Variants in ZNF407 observed in about 807,000 individuals in gnomAD.
ZNF407 encodes the protein zinc finger protein 407.
Under a neutral mutation model 131.2 loss-of-function variants are expected in ZNF407, and 17 were observed. That is an observed-to-expected ratio of 0.13 (90% confidence interval 0.09 to 0.19). The LOEUF (loss-of-function observed/expected upper bound fraction) is 0.19. Among genes scored for constraint, ZNF407 ranks in the 10% least tolerant of loss-of-function variants. ZNF407 has a pLI of 1.00. For missense variants in ZNF407, 2,681 were observed against 2,830.6 expected (o/e 0.95, Z 1.20); for synonymous variants, 1,156 against 1,062.0 (o/e 1.09, Z -1.72).
chr18:74,883,780 C>T lies in ZNF407; in HGVS notation c.5128+2661C>T, dbSNP rs1307458192. Among the ~76,000 whole-genome samples the T allele has an allele frequency of 2.0e-5, 3 of 152,202 alleles. 1 individual carries two copies. The highest frequency in any genetic ancestry group is 1.3e-4 in the Admixed American group (2 of 15,270). ...CTTCTGCTGTTCATCCTCTGGCTTTCCTTATCAATGGGGCCTGAGATGCAG... is the reference window on the plus strand; with the variant it reads ...CTTCTGCTGTTCATCCTCTGGCTTTTCTTATCAATGGGGCCTGAGATGCAG... On this transcript the variant is annotated intron_variant, in intron 6 of 8. Transcript: ENST00000299687.
intron 4 of ZNF407, among the ~76,000 whole-genome samples, chr18:74,832,306 A>T (rs1464756306): frequency 6.6e-6 from 1 of 152,124 alleles, no homozygotes; most frequent in African/African-American, 2.4e-5. Context: ...AGATCGTCAG[A>T]TTTATCTTGT....
At chr18:74,976,639 G>A (rs1473182356) in intron 8 of ZNF407, among the ~76,000 whole-genome samples, 2 of 152,216 alleles carry the variant, frequency 1.3e-5, no homozygotes, top group African/African-American at 4.8e-5. Context: ...ATCAGTTGTT[G>A]TAGATGTCTG....
intron 4 of ZNF407, among the ~76,000 whole-genome samples, chr18:74,791,166 T>G (rs12968695): frequency 0.087 from 13,300 of 152,296 alleles, 774 homozygotes; most frequent in African/African-American, 0.16. Context: ...GATGTCTGAC[T>G]GTCATTTCCG....
chr18:74,941,938 G>A (rs1458235959), intron 8 of ZNF407, among the ~76,000 whole-genome samples: 1 of 152,158 alleles, frequency 6.6e-6, no homozygotes, highest in East Asian at 1.9e-4. Flanking sequence ...CTGCAGGATG[G>A]CAGGATTGTG....
intron 3 of ZNF407, among the ~76,000 whole-genome samples, chr18:74,777,334 A>G (rs555837707): frequency 1.6e-4 from 24 of 152,272 alleles, no homozygotes; most frequent in Admixed American, 3.9e-4. Context: ...AAGTCGATCA[A>G]TATTTTAAAA....
At chr18:74,834,324 T>G (rs1359409931) in intron 4 of ZNF407, among the ~76,000 whole-genome samples, 2 of 152,222 alleles carry the variant, frequency 1.3e-5, no homozygotes, top group African/African-American at 4.8e-5. Context: ...ATGACCCAAT[T>G]CCTTTACTTC....
chr18:74,650,534 T>G (rs183669379), intron 3 of ZNF407, among the ~76,000 whole-genome samples: 1 of 152,140 alleles, frequency 6.6e-6, no homozygotes, highest in African/African-American at 2.4e-5. Flanking sequence ...TCAGCAGACA[T>G]CCTGTTAGTC....
intron 8 of ZNF407, among the ~76,000 whole-genome samples, chr18:75,012,574 T>C (rs1230807041): frequency 6.6e-6 from 1 of 152,090 alleles, no homozygotes; most frequent in Non-Finnish European, 1.5e-5. Flanking sequence ...TTATTGAAAA[T>C]CTGAATTAGA....
chr18:75,043,721 G>A (rs8096648), intron 8 of ZNF407, among the ~76,000 whole-genome samples: 22,013 of 152,206 alleles, frequency 0.14, 1,665 homozygotes, highest in South Asian at 0.21. Context: ...TCAGCTTTCC[G>A]TCATGGGCAA....
intron 4 of ZNF407, among the ~76,000 whole-genome samples, chr18:74,853,472 GC>G (rs1319493895): frequency 6.6e-6 from 1 of 152,162 alleles, no homozygotes; most frequent in Admixed American, 6.5e-5. Context: ...TGAGATTGGG[GC>G]CAGAGTTGTC....
At chr18:74,890,274 C>T (rs370438013) in intron 7 of ZNF407, among the ~76,000 whole-genome samples, 13 of 152,162 alleles carry the variant, frequency 8.5e-5, no homozygotes, top group African/African-American at 1.2e-4. Flanking sequence ...CTACCCCACA[C>T]GTGTAGAGCC....
chr18:75,032,092 C>G (rs1293952054), intron 8 of ZNF407, among the ~76,000 whole-genome samples: 1 of 152,180 alleles, frequency 6.6e-6, no homozygotes, highest in Non-Finnish European at 1.5e-5. Context: ...CGGAATCACA[C>G]TCTAAACGCC....
At chr18:74,970,915 C>G (rs1395287390) in intron 8 of ZNF407, among the ~76,000 whole-genome samples, 1 of 152,260 alleles carries the variant, frequency 6.6e-6, no homozygotes, top group Admixed American at 6.5e-5. Context: ...AAACTTTTGC[C>G]TGGACATGCA....
intron 4 of ZNF407, among the ~76,000 whole-genome samples, chr18:74,863,019 C>T (rs1268226070): frequency 6.6e-6 from 1 of 151,332 alleles, no homozygotes; most frequent in Non-Finnish European, 1.5e-5. Context: ...CTCCCAGGCT[C>T]AAGTGATTCT....
intron 7 of ZNF407, among the ~76,000 whole-genome samples, chr18:74,913,235 A>G (rs1599238173): frequency 6.6e-6 from 1 of 152,238 alleles, no homozygotes; most frequent in South Asian, 2.1e-4. Context: ...ACCTGGAGAA[A>G]TGGAAAGCAT....
chr18:74,759,801 T>A (rs1969051434), intron 3 of ZNF407, among the ~76,000 whole-genome samples: 1 of 151,754 alleles, frequency 6.6e-6, no homozygotes, highest in Middle Eastern at 3.4e-3. Flanking sequence ...TTACTTATAT[T>A]TTCCTTTTTT....
At position 74,920,702 on chromosome 18, in the gene ZNF407, A is replaced by G; in HGVS notation, c.5428+10A>G. ...GCTTACCTGCATGCTGGTAAGGGAC[A>G]GAAACTGTGAAAACTTGTTTCTAAC... On this transcript the variant is annotated intron_variant, in intron 8 of 8. Coordinates refer to ENST00000299687, the MANE Select transcript of ZNF407 (RefSeq NM_017757.3). 1 of 1,586,866 alleles carries G rather than the reference A, an allele frequency of 6.3e-7. No individual in the cohort carries two copies. The highest frequency in any genetic ancestry group is 8.6e-7 in the Non-Finnish European group (1 of 1,159,208).
At chr18:74,839,599 G>T (rs916962098) in intron 4 of ZNF407, among the ~76,000 whole-genome samples, 1 of 152,104 alleles carries the variant, frequency 6.6e-6, no homozygotes, top group South Asian at 2.1e-4. Context: ...AGAAACACCT[G>T]GATTTGTGTT....
At chr18:74,610,478 C>T (rs944517553) in intron 1 of ZNF407, among the ~76,000 whole-genome samples, 7 of 152,204 alleles carry the variant, frequency 4.6e-5, no homozygotes, top group East Asian at 1.9e-4. Flanking sequence ...CATTTGAGGA[C>T]GTTCGTTTTC....
Sources: allele counts gnomAD v4.1 joint callset (sites outside exome capture counted in the v4.1 genomes callset), GRCh38; gene constraint gnomAD v4.1.1; transcripts MANE v1.5; gene names NCBI Gene and HGNC (gene_info 2026-07-23, HGNC 2026-07-21).